The following TRPM1 variants were observed in gnomAD, a reference collection of about 807,000 sequenced individuals.
The protein encoded by TRPM1 is transient receptor potential cation channel subfamily M member 1.
TRPM1 carries 113 observed loss-of-function variants against 149.4 expected under a neutral mutation model. The observed-to-expected ratio is 0.76, with a 90% CI of 0.65 to 0.88. The LOEUF is 0.88. Ranked by LOEUF, TRPM1 falls within the 40% of genes least tolerant of loss-of-function variation. The pLI, the probability that TRPM1 is intolerant of heterozygous loss-of-function variation, is 0.00. For synonymous variants in TRPM1, 741 were observed against 759.5 expected (o/e 0.98, Z 0.40); for missense variants, 1,976 against 2,038.7 (o/e 0.97, Z 0.59).
chr15:31,109,922 T>TG (rs1451874205), intron 1 of TRPM1, among the ~76,000 whole-genome samples: 1 of 152,026 alleles, frequency 6.6e-6, no homozygotes, highest in African/African-American at 2.4e-5. Flanking sequence ...AGGGCAGGTG[T>TG]GGGGCAGGAT....
At chr15:31,063,332 T>C in intron 7 of TRPM1, 40 bp from the exon 8 acceptor site, 1 of 1,613,706 alleles carries the variant, frequency 6.2e-7, no homozygotes. Context: ...ACCTGTGCCC[T>C]GCACTGTCCA....
intron 1 of TRPM1, among the ~76,000 whole-genome samples, chr15:31,088,582 C>T (rs777031317): frequency 6.6e-6 from 1 of 152,204 alleles, no homozygotes; most frequent in Non-Finnish European, 1.5e-5. Context: ...CTGAAGTGAG[C>T]AAGGCCAAGA....
chr15:31,104,033 G>T (rs1423264064), upstream of TRPM1, among the ~76,000 whole-genome samples: 3 of 150,344 alleles, frequency 2.0e-5, no homozygotes, highest in Non-Finnish European at 4.4e-5. Flanking sequence ...GACACAGTGT[G>T]TGAGGACTGT....
At chr15:31,034,857 G>C (rs559945489) in intron 21 of TRPM1, among the ~76,000 whole-genome samples, 77 of 152,234 alleles carry the variant, frequency 5.1e-4, no homozygotes, top group African/African-American at 1.8e-3. Context: ...ATTCAAACCT[G>C]TTTTCATTAT....
At chr15:31,150,824 A>G (rs995184657) in intron 1 of TRPM1, among the ~76,000 whole-genome samples, 2 of 152,180 alleles carry the variant, frequency 1.3e-5, no homozygotes, top group Non-Finnish European at 2.9e-5. Context: ...ACAGCTACAC[A>G]GGTAAGAAAG....
At chr15:31,031,289 C>T (rs2033067441) in intron 22 of TRPM1, 132 bp from the exon 23 acceptor site, 2 of 962,968 alleles carry the variant, frequency 2.1e-6, no homozygotes, top group Non-Finnish European at 3.2e-6. Flanking sequence ...TCTTTCCCTT[C>T]CTTTCTTCCC....
intron 27 of TRPM1, among the ~76,000 whole-genome samples, chr15:31,014,176 T>C (rs2032280679): frequency 1.3e-5 from 2 of 152,226 alleles, no homozygotes; most frequent in Non-Finnish European, 1.5e-5. Context: ...CCTAGTTTTT[T>C]GGTTAGTCTA....
chr15:31,068,077 A>G lies in TRPM1; in HGVS notation c.295T>C (p.Tyr99His). Residue 99 changes from tyrosine to histidine, a missense_variant, in exon 5 of 28, where the codon TAT (tyrosine) becomes CAT (histidine). Tyr to His is a moderately conservative substitution (Grantham distance 83). Transcript: ENST00000256552. ...SNKAMYIRVSYDTKPDSLLHL... is the reference protein window; with the variant it reads ...SNKAMYIRVSHDTKPDSLLHL... ...AGCAGTGAGTCTGGCTTGGTGTCATAGGATACACGGATATACTGTGAAAGA... is the reference window on the plus strand; with the variant it reads ...AGCAGTGAGTCTGGCTTGGTGTCATGGGATACACGGATATACTGTGAAAGA... 1 of 1,614,156 alleles carries G rather than the reference A, an allele frequency of 6.2e-7. No individual in the cohort carries two copies.
At position 31,063,275 on chromosome 15, in the gene TRPM1, G is replaced by C. The variant is rs574522837; in HGVS notation, c.808C>G (p.Pro270Ala). The C allele has an allele frequency of 6.2e-6, 10 of 1,614,114 alleles. 1 individual carries two copies. In the South Asian group the frequency reaches 9.9e-5, roughly 16 times the overall value. Residue 270 changes from proline to alanine, a missense_variant, in exon 8 of 28, where the codon CCC (proline) becomes GCC (alanine). This residue lies in a region of TRPM1 where 1,332 missense variants were observed against 1,347.1 expected (regional missense o/e 0.99). Transcript: ENST00000256552. Reference sequence around the variant, plus strand: ...CCCTCCACCACGAGACCCACGAGGGGCACGCCCTGCCCCAGTCCTGCAACA... The same window carrying C: ...CCCTCCACCACGAGACCCACGAGGGCCACGCCCTGCCCCAGTCCTGCAACA... ...KINTRLGQGV[P>A]LVGLVVEGGP...
At chr15:31,101,863 G>A, upstream of TRPM1, 1 of 308,738 alleles carries the variant, frequency 3.2e-6, no homozygotes, top group South Asian at 1.3e-4. Flanking sequence ...GGAAGCCAGG[G>A]CCCCAAGCTT....
At chr15:31,059,335 A>T (rs1265162352) in intron 11 of TRPM1, among the ~76,000 whole-genome samples, 1 of 152,230 alleles carries the variant, frequency 6.6e-6, no homozygotes, top group African/African-American at 2.4e-5. Context: ...ACCTAAACAC[A>T]GAGGCAGTTA....
At chr15:31,150,428 T>G (rs1422679284) in intron 1 of TRPM1, among the ~76,000 whole-genome samples, 2 of 144,268 alleles carry the variant, frequency 1.4e-5, no homozygotes, top group Non-Finnish European at 3.0e-5. Flanking sequence ...GAATTTTTTC[T>G]TTTCCTTTTT....
At chr15:31,128,440 G>A (rs759052732) in intron 1 of TRPM1, among the ~76,000 whole-genome samples, 9 of 152,178 alleles carry the variant, frequency 5.9e-5, no homozygotes, top group Admixed American at 1.3e-4. Flanking sequence ...AACCATAAGG[G>A]ATGCTGGTCA....
chr15:31,155,614 C>T (rs2036361483), intron 1 of TRPM1, among the ~76,000 whole-genome samples: 1 of 152,090 alleles, frequency 6.6e-6, no homozygotes, highest in South Asian at 2.1e-4. Flanking sequence ...AGTGAAGACC[C>T]ACAATTCTGT....
At chr15:31,112,462 A>G (rs2035703445) in intron 1 of TRPM1, among the ~76,000 whole-genome samples, 2 of 152,200 alleles carry the variant, frequency 1.3e-5, no homozygotes, top group Admixed American at 1.3e-4. Flanking sequence ...TGGGTTCTTG[A>G]GCAAATAACA....
chr15:31,033,598 G>C (rs1486965943), intron 21 of TRPM1, among the ~76,000 whole-genome samples: 3 of 152,196 alleles, frequency 2.0e-5, no homozygotes, highest in African/African-American at 2.4e-5. Context: ...CATGCCAGGT[G>C]GTACCCCTTC....
chr15:31,104,228 G>A (rs1031652694), upstream of TRPM1, among the ~76,000 whole-genome samples: 1 of 152,148 alleles, frequency 6.6e-6, no homozygotes, highest in African/African-American at 2.4e-5. Context: ...GCCGGCTGGC[G>A]GTCACAGTTG....
chr15:31,142,889 C>A (rs1199831123), intron 1 of TRPM1, among the ~76,000 whole-genome samples: 2 of 152,066 alleles, frequency 1.3e-5, no homozygotes, highest in Non-Finnish European at 2.9e-5. Flanking sequence ...CTAAGGTGTG[C>A]CACAATTGTA....
At chr15:31,091,003 ATTGTATTCAGTAAACAGTT>A (rs1159359461) in intron 1 of TRPM1, among the ~76,000 whole-genome samples, 2 of 152,234 alleles carry the variant, frequency 1.3e-5, no homozygotes, top group Non-Finnish European at 2.9e-5. Context: ...TCTAGCAGCG[ATTGTATTCAGTAAACAGTT>A]TTGAAGTTTC....
Sources: gnomAD v4.1 joint callset for allele counts (sites outside exome capture counted in the v4.1 genomes callset) on GRCh38, gnomAD v4.1.1 for gene constraint, gnomAD v4.1.1 regional missense constraint, MANE v1.5 for transcripts, NCBI Gene and HGNC (gene_info 2026-07-23, HGNC 2026-07-21) for gene names.